EEFSEC: variants seen among roughly 807,000 people sequenced by gnomAD.
EEFSEC encodes selenocysteine-specific elongation factor.
Under a neutral mutation model 42.1 loss-of-function variants are expected in EEFSEC, and 43 were observed. That is an observed-to-expected ratio of 1.02 (90% CI 0.80 to 1.32). The LOEUF (loss-of-function observed/expected upper bound fraction) is 1.32, where lower values mean the gene tolerates loss of function less well. Ranked by LOEUF, EEFSEC falls within the 40% of genes most tolerant of loss-of-function variation. EEFSEC has a pLI of 0.00. For missense variants in EEFSEC, 745 were observed against 803.6 expected, an observed-to-expected ratio of 0.93 and a Z score of 0.88; for synonymous variants, 354 against 339.1, an observed-to-expected ratio of 1.04 and a Z score of -0.48.
In EEFSEC at chr3:128,158,123, G is replaced by A. The variant is rs117004573; in HGVS notation, c.316+4300G>A. Among the ~76,000 whole-genome samples, 455 of 152,336 alleles carry A rather than the reference G, an allele frequency of 3.0e-3. 12 individuals carry two copies. The East Asian group carries it at 0.059, about 20-fold the overall frequency. ...AGTCACTGCAGATGTGGTAGAAATA[G>A]CAAGAGAGTTAGAATGAGAAGTGGT... On this transcript the variant is annotated intron_variant, in intron 1 of 6. Coordinates refer to ENST00000254730, the MANE Select transcript of EEFSEC (RefSeq NM_021937.5).
Position 128,176,185 on chromosome 3 carries a change from C to CT in EEFSEC, c.316+22372dup, listed in dbSNP as rs5852535. Among the ~76,000 whole-genome samples, 88 of 147,742 alleles carry CT rather than the reference C, an allele frequency of 6.0e-4. No homozygotes were observed. The East Asian group carries it at 0.01, about 17-fold the overall frequency. The stretch of plus-strand genomic sequence containing the variant: ...ACCATTTGTCAGAAATCTTATTTTC[C>CT]TTTTTTTTTTGGTTGGGAAGGCAGG... On this transcript the variant is annotated intron_variant, in intron 1 of 6. Transcript: ENST00000254730.
intron 4 of EEFSEC, among the ~76,000 whole-genome samples, chr3:128,295,488 C>T (rs1487093818): frequency 9.9e-6 from 1 of 101,202 alleles, no homozygotes; most frequent in Admixed American, 1.6e-4. Context: ...GGCAAATATA[C>T]AGACCTAGTA....
intron 6 of EEFSEC, among the ~76,000 whole-genome samples, chr3:128,372,495 C>G (rs1163813173): frequency 1.3e-5 from 2 of 152,176 alleles, no homozygotes; most frequent in Non-Finnish European, 2.9e-5. Flanking sequence ...TTCAGAGACG[C>G]TTGGTCATCA....
At chr3:128,413,948 C>G in the EEFSEC span, among the ~76,000 whole-genome samples, 1 of 152,144 alleles carries the variant, frequency 6.6e-6, no homozygotes, top group African/African-American at 2.4e-5. Context: ...GTGGCCAGCA[C>G]AGTGTGTCCC....
At chr3:128,163,048 C>T (rs2065206972) in intron 1 of EEFSEC, among the ~76,000 whole-genome samples, 1 of 152,190 alleles carries the variant, frequency 6.6e-6, no homozygotes, top group Non-Finnish European at 1.5e-5. Flanking sequence ...AAGACATATT[C>T]CCCTTTCTGT....
chr3:128,198,754 G>A (rs1352266402), intron 1 of EEFSEC, among the ~76,000 whole-genome samples: 2 of 152,094 alleles, frequency 1.3e-5, no homozygotes, highest in African/African-American at 4.8e-5. Flanking sequence ...CTATCACTTG[G>A]ATGTGGAGGT....
At chr3:128,319,313 A>G (rs2066982163) in intron 4 of EEFSEC, among the ~76,000 whole-genome samples, 1 of 152,174 alleles carries the variant, frequency 6.6e-6, no homozygotes, top group South Asian at 2.1e-4. Context: ...TAATCTCTCT[A>G]TCCACACAGC....
At chr3:128,280,641 G>A (rs1183868051) in intron 4 of EEFSEC, among the ~76,000 whole-genome samples, 2 of 152,322 alleles carry the variant, frequency 1.3e-5, no homozygotes, top group East Asian at 3.9e-4. Context: ...GCACCAGTTG[G>A]CATTTGCCCT....
At chr3:128,160,383 G>A (rs1245105882) in intron 1 of EEFSEC, among the ~76,000 whole-genome samples, 2 of 152,234 alleles carry the variant, frequency 1.3e-5, no homozygotes, top group East Asian at 1.9e-4. Context: ...GGAAATCGGC[G>A]TGGTGTGTGG....
chr3:128,205,128 G>C (rs2065684721), intron 1 of EEFSEC, among the ~76,000 whole-genome samples: 1 of 152,204 alleles, frequency 6.6e-6, no homozygotes, highest in African/African-American at 2.4e-5. Context: ...ATTAATTAAA[G>C]TGAGGATAGG....
chr3:128,228,453 A>T (rs2065929058), intron 1 of EEFSEC, among the ~76,000 whole-genome samples: 1 of 152,096 alleles, frequency 6.6e-6, no homozygotes, highest in African/African-American at 2.4e-5. Flanking sequence ...AGCATGGCTG[A>T]GTGAGGAGCT....
At chr3:128,292,884 G>A (rs1049473550) in intron 4 of EEFSEC, among the ~76,000 whole-genome samples, 1 of 151,946 alleles carries the variant, frequency 6.6e-6, no homozygotes, top group African/African-American at 2.4e-5. Flanking sequence ...TGAAAGCTGA[G>A]ATCCTTAATT....
chr3:128,218,420 T>G (rs1224418979), intron 1 of EEFSEC, among the ~76,000 whole-genome samples: 1 of 152,224 alleles, frequency 6.6e-6, no homozygotes, highest in Non-Finnish European at 1.5e-5. Flanking sequence ...CTTAAAACAA[T>G]TTTTGTCTTA....
intron 2 of EEFSEC, 26 bp from the exon 3 acceptor site, chr3:128,262,100 CTG>C (rs1485623817): frequency 6.2e-7 from 1 of 1,609,590 alleles, no homozygotes; most frequent in Non-Finnish European, 8.5e-7. Context: ...ATCTCTGTAA[CTG>C]TGATGGGACT....
chr3:128,177,340 A>AT (rs1490530213), intron 1 of EEFSEC, among the ~76,000 whole-genome samples: 2 of 152,086 alleles, frequency 1.3e-5, no homozygotes, highest in East Asian at 1.9e-4. Flanking sequence ...AAAGCTTTAG[A>AT]TTTTTTAAAG....
chr3:128,284,913 T>G (rs958810910), intron 4 of EEFSEC, among the ~76,000 whole-genome samples: 5 of 151,950 alleles, frequency 3.3e-5, no homozygotes, highest in African/African-American at 7.2e-5. Context: ...CTTTAACGTT[T>G]TTTTTTTTTT....
intron 1 of EEFSEC, among the ~76,000 whole-genome samples, chr3:128,174,964 C>T (rs2065333563): frequency 6.6e-6 from 1 of 152,066 alleles, no homozygotes; most frequent in Non-Finnish European, 1.5e-5. Flanking sequence ...TTTTTTAAGG[C>T]AAAGAAGAGG....
intron 4 of EEFSEC, among the ~76,000 whole-genome samples, chr3:128,278,789 T>C (rs111360094): frequency 2.0e-4 from 31 of 151,548 alleles, no homozygotes; most frequent in African/African-American, 6.5e-4. Flanking sequence ...CAGGGGAGGG[T>C]ATTTCTAGGG....
At chr3:128,323,320 C>G (rs115268869) in intron 4 of EEFSEC, among the ~76,000 whole-genome samples, 1,637 of 152,288 alleles carry the variant, frequency 0.011, 36 homozygotes, top group African/African-American at 0.037. Flanking sequence ...TCTGGTTACC[C>G]AAGTTCTTGG....
Sources: gnomAD v4.1 joint callset for allele counts (sites outside exome capture counted in the v4.1 genomes callset) on GRCh38, gnomAD v4.1.1 for gene constraint, MANE v1.5 for transcripts, NCBI Gene and HGNC (gene_info 2026-07-23, HGNC 2026-07-21) for gene names.